Variants in ANXA3 observed in about 807,000 individuals in gnomAD.
ANXA3 encodes annexin A3.
ANXA3 carries 46 observed loss-of-function variants against 48.8 expected under a neutral mutation model. That is an observed-to-expected ratio of 0.94 (90% CI 0.74 to 1.21). The LOEUF is 1.21. ANXA3 is among the 50% of genes most tolerant of loss of function. The pLI is 0.00. For missense variants in ANXA3, 383 were observed against 378.6 expected, an observed-to-expected ratio of 1.01 and a Z score of -0.10; for synonymous variants, 128 against 134.7, an observed-to-expected ratio of 0.95 and a Z score of 0.35.
chr4:78,570,600 A>G (rs978692038), intron 2 of ANXA3, among the ~76,000 whole-genome samples: 1 of 152,240 alleles, frequency 6.6e-6, no homozygotes, highest in Non-Finnish European at 1.5e-5. Flanking sequence ...ATGAAACACC[A>G]GGAATGGTCT....
intron 2 of ANXA3, among the ~76,000 whole-genome samples, chr4:78,567,254 G>A (rs566078616): frequency 1.3e-5 from 2 of 152,310 alleles, no homozygotes; most frequent in African/African-American, 2.4e-5. Context: ...TGCTGGTTTC[G>A]AATGACATGA....
At chr4:78,595,540 C>CTTTTTTTTT in intron 8 of ANXA3, 103 bp downstream of exon 8, 1 of 991,520 alleles carries the variant, frequency 1.0e-6, no homozygotes. Context: ...AGGGACTTTT[C>CTTTTTTTTT]TTTTTTTTTT....
intron 2 of ANXA3, among the ~76,000 whole-genome samples, chr4:78,562,292 G>A (rs561215412): frequency 1.3e-5 from 2 of 152,306 alleles, no homozygotes; most frequent in East Asian, 3.9e-4. Context: ...TGAATTATAA[G>A]AGAATAAATC....
At chr4:78,563,210 A>G (rs1274323493) in intron 2 of ANXA3, among the ~76,000 whole-genome samples, 2 of 152,192 alleles carry the variant, frequency 1.3e-5, no homozygotes, top group African/African-American at 4.8e-5. Context: ...TGTCCAGTAG[A>G]CATCATTTAC....
intron 11 of ANXA3, chr4:78,603,740 GAC>G (rs1176429226): frequency 6.6e-6 from 1 of 152,212 alleles, no homozygotes; most frequent in Non-Finnish European, 1.5e-5. Context: ...GGCCTTTCCA[GAC>G]ACATTTCTTT....
At chr4:78,585,547 C>A (rs1484302588) in intron 5 of ANXA3, among the ~76,000 whole-genome samples, 1 of 152,226 alleles carries the variant, frequency 6.6e-6, no homozygotes, top group Non-Finnish European at 1.5e-5. Context: ...AGCTGAGAAA[C>A]ATAGCCTTTA....
intron 5 of ANXA3, among the ~76,000 whole-genome samples, chr4:78,583,318 G>C (rs1223831956): frequency 6.6e-6 from 1 of 151,850 alleles, no homozygotes; most frequent in East Asian, 1.9e-4. Flanking sequence ...CTTCAGTCTG[G>C]GTGACAGTGA....
rs541596197 is a variant in ANXA3 at position 78,608,218 on chromosome 4, C to T, written c.913-1838C>T. ...AGTGACATTGTGCTAAAAGATCCTA[C>T]AATAGTAGGACTTGACTTAGAGGAA... On this transcript the variant is annotated intron_variant, in intron 12 of 12. Coordinates refer to ENST00000264908, the MANE Select transcript of ANXA3 (RefSeq NM_005139.3). Among the ~76,000 whole-genome samples the T allele has an allele frequency of 1.1e-3, 170 of 152,130 alleles. No individual in the cohort carries two copies. In the Middle Eastern group the frequency reaches 0.024, roughly 21 times the overall value.
At chr4:78,559,076 C>A (rs572362442) in intron 2 of ANXA3, among the ~76,000 whole-genome samples, 3 of 151,930 alleles carry the variant, frequency 2.0e-5, no homozygotes, top group African/African-American at 4.8e-5. Context: ...TAGAATTTTT[C>A]TTTCTTTATT....
chr4:78,595,708 A>T, intron 8 of ANXA3, 86 bp from the exon 9 acceptor site: 4 of 860,424 alleles, frequency 4.6e-6, no homozygotes, highest in Non-Finnish European at 7.5e-6. Flanking sequence ...GATGGCACTG[A>T]CCTCTGAAAT....
intron 12 of ANXA3, among the ~76,000 whole-genome samples, chr4:78,609,211 CT>C (rs750814191): frequency 1.8e-4 from 27 of 152,170 alleles, no homozygotes; most frequent in Non-Finnish European, 3.8e-4. Context: ...TTACCACTTT[CT>C]CTAATATTCA....
At chr4:78,568,835 A>C (rs935603997) in intron 2 of ANXA3, among the ~76,000 whole-genome samples, 1 of 152,226 alleles carries the variant, frequency 6.6e-6, no homozygotes. Flanking sequence ...TTAGAAGATC[A>C]AGGGAGATTA....
intron 7 of ANXA3, among the ~76,000 whole-genome samples, chr4:78,593,113 C>CACACACACA (rs1723334676): frequency 4.2e-5 from 6 of 143,934 alleles, no homozygotes; most frequent in East Asian, 2.0e-4. Context: ...AACACACATA[C>CACACACACA]CACACACACA....
chr4:78,601,542 G>A lies in ANXA3; in HGVS notation c.763G>A (p.Ala255Thr), dbSNP rs762302189. Reference sequence around the variant, plus strand: ...TGTGAGGAACACGCCGGCCTTTTTAGCCGAAAGACTGCATCGAGCCTTGAA... The same window carrying A: ...TGTGAGGAACACGCCGGCCTTTTTAACCGAAAGACTGCATCGAGCCTTGAA... ...NCVRNTPAFL[A>T]ERLHRALKGI... is the part of the protein sequence containing the mutation. Residue 255 changes from alanine to threonine, a missense_variant, in exon 11 of 13, where the codon GCC (alanine) becomes ACC (threonine). Physicochemically the swap from Ala to Thr is moderately conservative, Grantham distance 58. Coordinates refer to ENST00000264908, the MANE Select transcript of ANXA3 (RefSeq NM_005139.3). 6.2e-7 allele frequency: 1 copy of A among 1,613,962 alleles called. No homozygotes were observed. Among genetic ancestry groups the A allele is most frequent in the Non-Finnish European group, 8.5e-7 (1 of 1,179,872 alleles).
intron 6 of ANXA3, among the ~76,000 whole-genome samples, chr4:78,589,715 C>A (rs191299748): frequency 6.6e-6 from 1 of 152,290 alleles, no homozygotes; most frequent in East Asian, 1.9e-4. Context: ...GTCTTTGTCT[C>A]CTTTTCTGTG....
intron 12 of ANXA3, among the ~76,000 whole-genome samples, chr4:78,608,041 T>C (rs1723687595): frequency 6.6e-6 from 1 of 152,158 alleles, no homozygotes. Flanking sequence ...AAAGAGAGCT[T>C]TGAGATCAGC....
chr4:78,601,177 G>A (rs893403863), intron 10 of ANXA3, among the ~76,000 whole-genome samples: 1 of 152,154 alleles, frequency 6.6e-6, no homozygotes, highest in African/African-American at 2.4e-5. Flanking sequence ...GAGCAGTGTC[G>A]CACCCTAGGG....
intron 2 of ANXA3, among the ~76,000 whole-genome samples, chr4:78,556,201 C>T (rs550386883): frequency 1.3e-5 from 2 of 151,924 alleles, no homozygotes; most frequent in South Asian, 2.1e-4. Flanking sequence ...AAATGTCCAT[C>T]GATAGGGTAG....
At chr4:78,572,997 T>C (rs774809392) in intron 2 of ANXA3, 183 bp from the exon 3 acceptor site, 3 of 711,176 alleles carry the variant, frequency 4.2e-6, no homozygotes, top group Middle Eastern at 2.4e-4. Context: ...GAGTCAACCA[T>C]GTCAGATTTC....
Sources: gnomAD v4.1 joint callset for allele counts (sites outside exome capture counted in the v4.1 genomes callset) on GRCh38, gnomAD v4.1.1 for gene constraint, MANE v1.5 for transcripts, NCBI Gene and HGNC (gene_info 2026-07-23, HGNC 2026-07-21) for gene names.